Variants in SUGCT observed in about 807,000 individuals in gnomAD.
SUGCT encodes the protein succinyl-CoA:glutarate CoA-transferase.
In SUGCT, 41 loss-of-function variants were observed where a neutral mutation model predicts 55.0. The ratio of observed to expected loss-of-function variants is 0.74; its 90% CI spans 0.58 to 0.97. The LOEUF (loss-of-function observed/expected upper bound fraction) is 0.97, where lower values mean the gene tolerates loss of function less well. Among genes scored for constraint, SUGCT ranks in the 50% least tolerant of loss-of-function variants. SUGCT has a pLI of 0.00. For synonymous variants in SUGCT, 187 were observed against 200.4 expected (o/e 0.93, Z 0.56); for missense variants, 568 against 547.8 (o/e 1.04, Z -0.37).
At chr7:40,430,536 G>A (rs1444658458) in intron 9 of SUGCT, among the ~76,000 whole-genome samples, 1 of 152,126 alleles carries the variant, frequency 6.6e-6, no homozygotes, top group African/African-American at 2.4e-5. Flanking sequence ...TGAGTTGCGT[G>A]AACTCTTTAT....
chr7:41,037,503 C>CTTTTT, the SUGCT span, among the ~76,000 whole-genome samples: 4 of 144,418 alleles, frequency 2.8e-5, no homozygotes, highest in Admixed American at 2.8e-4. Flanking sequence ...TGTGCTCAGC[C>CTTTTT]TTTTTTTTTT....
At chr7:40,150,133 A>G (rs1400806626) in intron 1 of SUGCT, among the ~76,000 whole-genome samples, 2 of 152,180 alleles carry the variant, frequency 1.3e-5, no homozygotes, top group African/African-American at 2.4e-5. Context: ...GCCGGAGGCT[A>G]CAAGATTCTG....
intron 9 of SUGCT, among the ~76,000 whole-genome samples, chr7:40,377,136 TTCTTTCTTTC>T (rs910956513): frequency 1.8e-4 from 2 of 10,978 alleles, no homozygotes; most frequent in African/African-American, 3.6e-4. Flanking sequence ...TCCTCTTTCT[TTCTTTCTTTC>T]TTTCTTTCTT....
intron 9 of SUGCT, among the ~76,000 whole-genome samples, chr7:40,336,755 C>G (rs950365632): frequency 6.6e-6 from 1 of 152,140 alleles, no homozygotes; most frequent in Non-Finnish European, 1.5e-5. Context: ...TCCTTCAGTT[C>G]TGCTCTGATC....
At chr7:40,800,188 C>T (rs1164262827) in intron 13 of SUGCT, among the ~76,000 whole-genome samples, 1 of 151,976 alleles carries the variant, frequency 6.6e-6, no homozygotes, top group African/African-American at 2.4e-5. Flanking sequence ...GGTCATCTTG[C>T]TGATGCTCCA....
chr7:40,164,406 G>A (rs533842534), intron 1 of SUGCT, among the ~76,000 whole-genome samples: 1 of 152,308 alleles, frequency 6.6e-6, no homozygotes, highest in South Asian at 2.1e-4. Flanking sequence ...GGGATTACAG[G>A]CATGAGCCAC....
rs371986042 is a variant in SUGCT at position 40,281,428 on chromosome 7, A to G, written c.720+6772A>G. 6.4e-4 allele frequency among the ~76,000 whole-genome samples: 98 copies of G among 152,370 alleles called. 2 individuals carry two copies. In the South Asian group the frequency reaches 0.02, roughly 31 times the overall value. On this transcript the variant is annotated intron_variant, in intron 8 of 13. Transcript: ENST00000335693. ...TTCTTCCTTTAAGGGAGAACGAAAA[A>G]TAGAAGGTTATAGCAGAAAGTTGGG...
chr7:40,710,038 A>G (rs1785628873), intron 12 of SUGCT, among the ~76,000 whole-genome samples: 1 of 152,178 alleles, frequency 6.6e-6, no homozygotes, highest in Non-Finnish European at 1.5e-5. Context: ...AGCAACATAG[A>G]TCTTTACTGA....
At chr7:40,247,417 G>A (rs1316581632) in intron 7 of SUGCT, among the ~76,000 whole-genome samples, 4 of 151,902 alleles carry the variant, frequency 2.6e-5, no homozygotes, top group Middle Eastern at 3.2e-3. Context: ...CACCATGACC[G>A]GCTAATATTT....
chr7:40,370,595 GGA>G (rs371045047), intron 9 of SUGCT, among the ~76,000 whole-genome samples: 58 of 146,130 alleles, frequency 4.0e-4, no homozygotes, highest in African/African-American at 1.3e-3. Context: ...GAGAGATGGG[GGA>G]GAGAGAGAGA....
intron 12 of SUGCT, among the ~76,000 whole-genome samples, chr7:40,671,821 A>T (rs1474578578): frequency 6.6e-6 from 1 of 152,200 alleles, no homozygotes; most frequent in Non-Finnish European, 1.5e-5. Context: ...ATCCAAGCAA[A>T]ACATAAACAA....
chr7:40,591,591 G>T (rs1385352651), intron 12 of SUGCT, among the ~76,000 whole-genome samples: 1 of 152,100 alleles, frequency 6.6e-6, no homozygotes, highest in African/African-American at 2.4e-5. Flanking sequence ...AAATAGTATC[G>T]CATGTAACAG....
At chr7:40,455,884 G>A (rs1205144690) in intron 10 of SUGCT, among the ~76,000 whole-genome samples, 2 of 152,188 alleles carry the variant, frequency 1.3e-5, no homozygotes, top group Non-Finnish European at 2.9e-5. Context: ...TGTTGTGCCA[G>A]TAATGCACTT....
chr7:40,153,686 C>T (rs1490794438), intron 1 of SUGCT: 8 of 509,626 alleles, frequency 1.6e-5, no homozygotes, highest in South Asian at 5.9e-5. Context: ...AATGTTTTCA[C>T]GTTATATTCT....
intron 12 of SUGCT, among the ~76,000 whole-genome samples, chr7:40,578,551 A>T (rs577764478): frequency 6.6e-6 from 1 of 152,132 alleles, no homozygotes; most frequent in Admixed American, 6.5e-5. Flanking sequence ...TTCACCTGGA[A>T]CATTTTTCCT....
intron 12 of SUGCT, among the ~76,000 whole-genome samples, chr7:40,657,739 T>G (rs1027245722): frequency 6.6e-6 from 1 of 152,222 alleles, no homozygotes; most frequent in Non-Finnish European, 1.5e-5. Context: ...TTTCGCCATG[T>G]TGGCCACGCT....
chr7:40,579,493 T>C (rs1796957586), intron 12 of SUGCT, among the ~76,000 whole-genome samples: 1 of 152,172 alleles, frequency 6.6e-6, no homozygotes, highest in South Asian at 2.1e-4. Context: ...GTCTTCCTGC[T>C]GTGGTTGGGT....
chr7:40,305,035 A>AT (rs1794775659), intron 8 of SUGCT, among the ~76,000 whole-genome samples: 1 of 152,106 alleles, frequency 6.6e-6, no homozygotes, highest in Non-Finnish European at 1.5e-5. Flanking sequence ...CTCCCTGAAG[A>AT]TTCCCTCATT....
At chr7:40,649,239 T>C (rs1800661218) in intron 12 of SUGCT, among the ~76,000 whole-genome samples, 2 of 152,216 alleles carry the variant, frequency 1.3e-5, no homozygotes, top group South Asian at 4.1e-4. Flanking sequence ...CAAACAGCAG[T>C]ATTTGAGATG....
Sources: allele counts gnomAD v4.1 joint callset (sites outside exome capture counted in the v4.1 genomes callset), GRCh38; gene constraint gnomAD v4.1.1; transcripts MANE v1.5; gene names NCBI Gene and HGNC (gene_info 2026-07-23, HGNC 2026-07-21).